The following RELN variants were observed in gnomAD, a reference collection of about 807,000 sequenced individuals.
RELN encodes reelin.
In RELN, 108 loss-of-function variants were observed where a neutral mutation model predicts 427.6. The observed-to-expected ratio is 0.25, with a 90% confidence interval of 0.22 to 0.30. The LOEUF is 0.30. Among genes scored for constraint, RELN ranks in the 10% least tolerant of loss-of-function variants. The pLI, the probability that RELN is intolerant of heterozygous loss-of-function variation, is 1.00. For missense variants in RELN, 3,715 were observed against 4,302.8 expected (o/e 0.86, Z 3.82); for synonymous variants, 1,524 against 1,513.4 (o/e 1.01, Z -0.16).
At chr7:103,982,557 G>A (rs1797013575) in intron 1 of RELN, among the ~76,000 whole-genome samples, 1 of 152,090 alleles carries the variant, frequency 6.6e-6, no homozygotes, top group Non-Finnish European at 1.5e-5. Flanking sequence ...GCAGAAAGGA[G>A]AAAGGAAGAG....
At chr7:103,594,086 C>G (rs1831483003) in intron 26 of RELN, among the ~76,000 whole-genome samples, 1 of 152,176 alleles carries the variant, frequency 6.6e-6, no homozygotes. Context: ...TGTATCTAAT[C>G]ATTTTATAAA....
chr7:103,632,003 T>A (rs1230271280), intron 19 of RELN, among the ~76,000 whole-genome samples: 5 of 152,180 alleles, frequency 3.3e-5, no homozygotes, highest in African/African-American at 1.2e-4. Flanking sequence ...CCTAAGCAAC[T>A]TTTAAGGAAA....
intron 3 of RELN, among the ~76,000 whole-genome samples, chr7:103,787,792 C>A (rs1465517728): frequency 6.6e-6 from 1 of 152,142 alleles, no homozygotes; most frequent in East Asian, 1.9e-4. Context: ...TGAAACTATT[C>A]CAAACATCAG....
At chr7:103,718,332 CA>C (rs11300111) in intron 8 of RELN, among the ~76,000 whole-genome samples, 30,924 of 130,766 alleles carry the variant, frequency 0.24, 3,398 homozygotes, top group Middle Eastern at 0.38. Context: ...AACAAAGCAG[CA>C]AAAAAAAAAA....
rs564228473 is a variant in RELN, at chr7:103,877,031, TG to T, written c.337+40043del. Among the ~76,000 whole-genome samples, 1,044 of 152,214 alleles carry T rather than the reference TG, an allele frequency of 6.9e-3. 9 individuals are homozygous for T. The highest frequency in any genetic ancestry group is 0.012 in the Non-Finnish European group (818 of 68,010). Reference sequence around the variant, plus strand: ...TGGAAATGCTCTCTTCCTCAGCCTCTGGGATATTCCCCTATGCCCTCACCCA... The same window carrying T: ...TGGAAATGCTCTCTTCCTCAGCCTCTGGATATTCCCCTATGCCCTCACCCA... On this transcript the variant is annotated intron_variant, in intron 2 of 64. Coordinates refer to ENST00000428762, the MANE Select transcript of RELN (RefSeq NM_005045.4).
chr7:103,850,211 T>C (rs60861793), intron 2 of RELN, among the ~76,000 whole-genome samples: 21,416 of 152,184 alleles, frequency 0.14, 1,701 homozygotes, highest in East Asian at 0.29. Flanking sequence ...GACCCACAGA[T>C]GCTCTGAAGG....
At chr7:103,755,378 AC>A (rs1791109928) in intron 4 of RELN, among the ~76,000 whole-genome samples, 2 of 151,752 alleles carry the variant, frequency 1.3e-5, no homozygotes, top group South Asian at 2.1e-4. Context: ...GGAGGCCGAG[AC>A]GGGCCGATCA....
At chr7:103,571,165 C>T (rs1049227769) in intron 31 of RELN, among the ~76,000 whole-genome samples, 15 of 152,142 alleles carry the variant, frequency 9.9e-5, no homozygotes, top group Non-Finnish European at 1.9e-4. Context: ...GCTCTACTGA[C>T]TAATAGGTAT....
intron 2 of RELN, among the ~76,000 whole-genome samples, chr7:103,891,118 G>A (rs1311909850): frequency 2.0e-5 from 3 of 151,864 alleles, no homozygotes; most frequent in Admixed American, 1.3e-4. Flanking sequence ...AAAAGAAAGT[G>A]GAATTCCATC....
chr7:103,792,432 C>A (rs1198046593), intron 3 of RELN, among the ~76,000 whole-genome samples: 1 of 151,908 alleles, frequency 6.6e-6, no homozygotes, highest in Non-Finnish European at 1.5e-5. Flanking sequence ...ATCAATCAAC[C>A]TTGAAAATAT....
At chr7:103,880,991 G>C (rs1794593708) in intron 2 of RELN, among the ~76,000 whole-genome samples, 1 of 152,126 alleles carries the variant, frequency 6.6e-6, no homozygotes, top group South Asian at 2.1e-4. Context: ...ACCACACCCA[G>C]CCTATTTCTT....
chr7:103,483,730 C>G lies in RELN; in HGVS notation c.10104G>C (p.Gly3368=), dbSNP rs939866881. The G allele has an allele frequency of 3.7e-6, 6 of 1,614,050 alleles. No individual in the cohort carries two copies. The African/African-American group carries it at 4.0e-5, about 11-fold the overall frequency. Residue 3368 remains glycine, a synonymous_variant, in exon 62 of 65, where the codon GGG becomes GGC. Coordinates refer to ENST00000428762, the MANE Select transcript of RELN (RefSeq NM_005045.4). ...GCTGGGCGATGACATGCCAGGTGAT[C>G]CCGTTGTTGACGCTGTATTGCAGCA... ...AVLLQYSVNN[G]ITWHVIAQHQ...
rs1251127779 is a variant in RELN, at chr7:103,574,204, C to T, written c.4399G>A (p.Gly1467Ser). The change falls in exon 30 of 65, where the codon GGT (glycine) becomes AGT (serine). Residue 1467 changes from glycine (G) to serine (S), a missense_variant. Physicochemically the swap from Gly to Ser is moderately conservative, Grantham distance 56 (BLOSUM62 0). Transcript: ENST00000428762. ...CCACAGCCAGTTCCAACCTGGGCAC[C>T]TGTTATCTTGTACCACAGAGGGCTG... The part of the protein sequence containing the change: ...KLSPLWYKIT[G>S]AQVGTGCGTL... 2 of 1,614,154 alleles carry T rather than the reference C, an allele frequency of 1.2e-6. No homozygotes were observed. Among genetic ancestry groups the T allele is most frequent in the East Asian group, 4.5e-5 (2 of 44,878 alleles).
chr7:103,557,339 C>A (rs1022353741), intron 37 of RELN, among the ~76,000 whole-genome samples, 180 bp from the exon 38 acceptor site: 1 of 152,134 alleles, frequency 6.6e-6, no homozygotes, highest in Non-Finnish European at 1.5e-5. Flanking sequence ...CTGTATATCT[C>A]GAAATACACA....
At chr7:103,616,466 C>T (rs1057224284) in intron 20 of RELN, among the ~76,000 whole-genome samples, 2 of 151,994 alleles carry the variant, frequency 1.3e-5, no homozygotes, top group Non-Finnish European at 2.9e-5. Flanking sequence ...TATGGTATTA[C>T]ATTTCAAAAC....
At chr7:103,920,661 C>T (rs1364648339) in intron 1 of RELN, among the ~76,000 whole-genome samples, 2 of 151,094 alleles carry the variant, frequency 1.3e-5, no homozygotes, top group African/African-American at 2.4e-5. Context: ...GCAGCCTCCA[C>T]CTCCTGGGTT....
At chr7:103,964,954 T>TG (rs1688587952) in intron 1 of RELN, among the ~76,000 whole-genome samples, 1 of 152,214 alleles carries the variant, frequency 6.6e-6, no homozygotes, top group African/African-American at 2.4e-5. Flanking sequence ...TTCTGTTTTG[T>TG]GCTCTCTAAA....
At position 103,824,625 on chromosome 7, in the gene RELN, A is replaced by G. The variant is rs952418823; in HGVS notation, c.473+8912T>C. Among the ~76,000 whole-genome samples the G allele has an allele frequency of 2.4e-5, 2 of 81,812 alleles. No homozygotes were observed. The highest frequency in any genetic ancestry group is 1.1e-4 in the African/African-American group (2 of 18,824). The allele number at this position is 81,812 out of a possible 152,430, so 53.7% of individuals were successfully genotyped here. On this transcript the variant is annotated intron_variant, in intron 3 of 64. Coordinates refer to ENST00000428762, the MANE Select transcript of RELN (RefSeq NM_005045.4). The surrounding 1 kb of genome is among the most constrained non-coding windows in gnomAD (Gnocchi z 4.4). ...CAGTGTTTTCACTTTCTTTCAAAAC[A>G]GAGTGTGTGTGTGTGTGTGTGTGTG... is the stretch of plus-strand genomic sequence containing the variant.
intron 2 of RELN, among the ~76,000 whole-genome samples, chr7:103,859,754 G>T (rs577419737): frequency 6.6e-6 from 1 of 152,000 alleles, no homozygotes; most frequent in Non-Finnish European, 1.5e-5. Flanking sequence ...AAATTATAGA[G>T]TTCCAAGCCT....
Sources: allele counts gnomAD v4.1 joint callset (sites outside exome capture counted in the v4.1 genomes callset), GRCh38; gene constraint gnomAD v4.1.1; non-coding constraint Gnocchi (gnomAD v3.1); transcripts MANE v1.5; gene names NCBI Gene and HGNC (gene_info 2026-07-23, HGNC 2026-07-21).